Variants in HORMAD2 observed in about 807,000 individuals in gnomAD.
HORMAD2 encodes the protein HORMA domain-containing protein 2.
HORMAD2 carries 45 observed loss-of-function variants against 38.8 expected under a neutral mutation model. The ratio of observed to expected loss-of-function variants is 1.16; its 90% CI spans 0.91 to 1.49. The LOEUF (loss-of-function observed/expected upper bound fraction) is 1.49. Ranked by LOEUF, HORMAD2 falls within the 40% of genes most tolerant of loss-of-function variation. The probability of loss-of-function intolerance (pLI) is 0.00; values close to 1 mark genes in which losing one functional copy is unlikely to be tolerated. For missense variants in HORMAD2, 338 were observed against 367.0 expected (o/e 0.92, Z 0.65); for synonymous variants, 126 against 122.8 (o/e 1.03, Z -0.17).
intron 10 of HORMAD2, among the ~76,000 whole-genome samples, chr22:30,169,287 G>T (rs1365240788): frequency 6.6e-6 from 1 of 152,182 alleles, no homozygotes; most frequent in African/African-American, 2.4e-5. Context: ...TTGAGGACAT[G>T]AAGTGTCTTG....
intron 10 of HORMAD2, among the ~76,000 whole-genome samples, chr22:30,135,315 C>T (rs1267826033): frequency 6.6e-6 from 1 of 151,770 alleles, no homozygotes. Context: ...GAATGGGATC[C>T]TTGACAGAAG....
intron 10 of HORMAD2, among the ~76,000 whole-genome samples, chr22:30,135,422 A>C (rs1923583823): frequency 6.6e-6 from 1 of 151,912 alleles, no homozygotes; most frequent in African/African-American, 2.4e-5. Context: ...AGAGCATGGC[A>C]GTCTTGCTGA....
the HORMAD2 span, among the ~76,000 whole-genome samples, chr22:30,183,354 A>G: frequency 6.6e-6 from 1 of 152,152 alleles, no homozygotes; most frequent in Non-Finnish European, 1.5e-5. Context: ...CTTTGCCGCC[A>G]GCCCACCCTC....
intron 10 of HORMAD2, among the ~76,000 whole-genome samples, chr22:30,161,584 T>G (rs1925443783): frequency 1.3e-5 from 2 of 152,182 alleles, no homozygotes; most frequent in Admixed American, 1.3e-4. Context: ...GTATCCACCT[T>G]TAACTACCAC....
At chr22:30,082,482 G>A (rs1421090145) in intron 1 of HORMAD2, among the ~76,000 whole-genome samples, 2 of 152,054 alleles carry the variant, frequency 1.3e-5, no homozygotes, top group Non-Finnish European at 2.9e-5. Flanking sequence ...AAGTAATTGT[G>A]CCACCATATA....
At chr22:30,101,006 A>G (rs534469721) in intron 3 of HORMAD2, among the ~76,000 whole-genome samples, 1 of 152,206 alleles carries the variant, frequency 6.6e-6, no homozygotes, top group Non-Finnish European at 1.5e-5. Context: ...TAGTTCAACC[A>G]TTGTGGAAGA....
At chr22:30,158,561 CCCCT>C (rs1601585864) in intron 10 of HORMAD2, among the ~76,000 whole-genome samples, 1 of 92,860 alleles carries the variant, frequency 1.1e-5, no homozygotes, top group East Asian at 3.4e-4. Context: ...TCCCTCCCCT[CCCCT>C]CCCTTCCCCT....
intron 10 of HORMAD2, among the ~76,000 whole-genome samples, chr22:30,138,140 AT>A (rs1294017532): frequency 6.6e-6 from 1 of 152,000 alleles, no homozygotes; most frequent in Non-Finnish European, 1.5e-5. Flanking sequence ...TGTGGTTTTA[AT>A]TTGTATTTCT....
intron 1 of HORMAD2, chr22:30,081,279 CT>C (rs1164755404): frequency 6.6e-6 from 1 of 152,168 alleles, no homozygotes; most frequent in Admixed American, 6.5e-5. Context: ...TATTTTACAT[CT>C]CGTAATCCTG....
intron 1 of HORMAD2, among the ~76,000 whole-genome samples, chr22:30,084,316 A>T (rs749892597): frequency 3.3e-5 from 5 of 152,162 alleles, no homozygotes; most frequent in Non-Finnish European, 7.4e-5. Context: ...AAGGAGAGAG[A>T]GAGTGAGTGT....
downstream of HORMAD2, among the ~76,000 whole-genome samples, chr22:30,181,002 C>T (rs1371178215): frequency 7.0e-6 from 1 of 142,230 alleles, no homozygotes; most frequent in African/African-American, 2.6e-5. Flanking sequence ...CTCCCCTAAC[C>T]TACCCTACCC....
rs1227455073 is a variant in HORMAD2 at position 30,121,752 on chromosome 22, T to C, written c.531T>C (p.Asn177=). The part of the protein sequence containing the change: ...LMQDLEPLPN[N]VVLTMKLHYY... ...AGGACCTTGAGCCACTTCCTAATAA[T>C]GTTGTACTTACTATGAAACTCCACT... is the stretch of plus-strand genomic sequence containing the variant. The change falls in exon 9 of 11, where the codon AAT becomes AAC. Residue 177 remains asparagine, a synonymous_variant. Coordinates refer to ENST00000336726, the MANE Select transcript of HORMAD2 (RefSeq NM_152510.4). 1.4e-5 allele frequency: 22 copies of C among 1,612,616 alleles called. No homozygotes were observed. Among genetic ancestry groups the C allele is most frequent in the Non-Finnish European group, 1.9e-5 (22 of 1,179,230 alleles).
chr22:30,103,464 A>T lies in HORMAD2; in HGVS notation c.221A>T (p.Asp74Val), dbSNP rs1184654968. The T allele has an allele frequency of 1.3e-6, 2 of 1,542,110 alleles. No individual in the cohort carries two copies. Among genetic ancestry groups the T allele is most frequent in the Non-Finnish European group, 1.8e-6 (2 of 1,136,500 alleles). The part of the protein sequence containing the change: ...DDLSLKILRE[D>V]KKCPGSLHII... ...CTCAGTTTAAAAATCCTCCGAGAAG[A>T]TAAAAAATGTCCCGGGTCACTGCAT... Residue 74 changes from aspartate (D) to valine (V), a missense_variant, in exon 4 of 11, where the codon GAT becomes GTT. Transcript: ENST00000336726.
intron 10 of HORMAD2, among the ~76,000 whole-genome samples, chr22:30,172,987 G>A (rs1926208122): frequency 6.6e-6 from 1 of 152,162 alleles, no homozygotes; most frequent in Non-Finnish European, 1.5e-5. Context: ...CCTACAAAAG[G>A]GGTAAGAACA....
intron 5 of HORMAD2, among the ~76,000 whole-genome samples, chr22:30,108,685 T>G (rs536811727): frequency 6.6e-6 from 1 of 152,324 alleles, no homozygotes; most frequent in African/African-American, 2.4e-5. Context: ...GTAGCTATCT[T>G]TGCTATTTTT....
At chr22:30,118,907 A>T in intron 7 of HORMAD2, 73 bp from the exon 8 acceptor site, 1 of 974,986 alleles carries the variant, frequency 1.0e-6, no homozygotes, top group Non-Finnish European at 1.6e-6. Flanking sequence ...AATGTTCCTT[A>T]CTTATGATCA....
At chr22:30,159,235 A>G (rs1430253340) in intron 10 of HORMAD2, among the ~76,000 whole-genome samples, 1 of 152,212 alleles carries the variant, frequency 6.6e-6, no homozygotes, top group Non-Finnish European at 1.5e-5. Flanking sequence ...ATGCCCTGCC[A>G]TAATACTGTT....
At chr22:30,150,396 T>C (rs1242223474) in intron 10 of HORMAD2, among the ~76,000 whole-genome samples, 1 of 152,214 alleles carries the variant, frequency 6.6e-6, no homozygotes, top group African/African-American at 2.4e-5. Flanking sequence ...GGTTACAGAA[T>C]TGTCTCTTAT....
rs1256260817 is a variant in HORMAD2, at chr22:30,118,975, T to C, written c.343-5T>C. The C allele has an allele frequency of 3.2e-6, 5 of 1,570,074 alleles. No individual in the cohort carries two copies. Among genetic ancestry groups the C allele is most frequent in the Non-Finnish European group, 4.3e-6 (5 of 1,155,614 alleles). On this transcript the variant is annotated splice_polypyrimidine_tract_variant and splice_region_variant and intron_variant, in intron 7 of 10. Coordinates refer to ENST00000336726, the MANE Select transcript of HORMAD2 (RefSeq NM_152510.4). ...TTTTTTCTTTATTTCCTTTGGTTTT[T>C]GTAGAAGGTGACTGAGATGTACCAG... is the stretch of plus-strand genomic sequence containing the variant.
Sources: gnomAD v4.1 joint callset for allele counts (sites outside exome capture counted in the v4.1 genomes callset) on GRCh38, gnomAD v4.1.1 for gene constraint, MANE v1.5 for transcripts, NCBI Gene and HGNC (gene_info 2026-07-23, HGNC 2026-07-21) for gene names.